SEPTIN3: variants seen among roughly 807,000 people sequenced by gnomAD.
SEPTIN3 encodes the protein neuronal-specific septin-3.
In SEPTIN3, 15 loss-of-function variants were observed where a neutral mutation model predicts 45.1. The ratio of observed to expected loss-of-function variants is 0.33; its 90% confidence interval spans 0.22 to 0.51. The LOEUF (loss-of-function observed/expected upper bound fraction) is 0.51, where lower values mean the gene tolerates loss of function less well. SEPTIN3 is among the 20% of genes least tolerant of loss of function. The pLI, the probability that SEPTIN3 is intolerant of heterozygous loss-of-function variation, is 0.97. For synonymous variants in SEPTIN3, 148 were observed against 164.8 expected, an observed-to-expected ratio of 0.90 and a Z score of 0.78; for missense variants, 289 against 457.2, an observed-to-expected ratio of 0.63 and a Z score of 3.35.
rs2078126552 is a variant in SEPTIN3 at position 41,981,824 on chromosome 22, A to G, written c.1684A>G (p.Ile562Val). ...CATGAAGACCGGTTTCGACTTCAAC[A>G]TCATGGTCGTTGGTACGGAAGGCTG... ...KTMKTGFDFNIMVVGQSGLGK... is the reference protein window; with the variant it reads ...KTMKTGFDFNVMVVGQSGLGK... The change falls in exon 3 of 12, where the codon ATC becomes GTC. Residue 562 changes from isoleucine (I) to valine (V), a missense_variant. Physicochemically the swap from Ile to Val is conservative, Grantham distance 29 (BLOSUM62 3). This residue lies in a region of SEPTIN3 where 200 missense variants were observed against 315.1 expected (regional missense o/e 0.63). Transcript: ENST00000644076. The G allele has an allele frequency of 6.2e-7, 1 of 1,613,620 alleles. No homozygotes were observed. Among genetic ancestry groups the G allele is most frequent in the South Asian group, 1.1e-5 (1 of 90,920 alleles).
intron 3 of SEPTIN3, chr22:41,985,696 C>G: frequency 4.9e-6 from 1 of 203,586 alleles, no homozygotes; most frequent in Non-Finnish European, 9.9e-6. Flanking sequence ...AAACAGAAAA[C>G]CACGACACTA....
intron 3 of SEPTIN3, among the ~76,000 whole-genome samples, chr22:41,984,425 G>T (rs1401884780): frequency 6.6e-6 from 1 of 152,236 alleles, no homozygotes; most frequent in Non-Finnish European, 1.5e-5. Flanking sequence ...TGGGGCCTGA[G>T]ATTCTGCATT....
intron 11 of SEPTIN3, chr22:41,996,522 G>C (rs965798315): frequency 8.9e-6 from 9 of 1,012,598 alleles, no homozygotes; most frequent in African/African-American, 1.7e-5. Flanking sequence ...AGAAAGGGGG[G>C]CGGTGATCAG....
intron 7 of SEPTIN3, 105 bp downstream of exon 7, chr22:41,989,789 T>G: frequency 2.8e-6 from 2 of 724,458 alleles, no homozygotes; most frequent in Non-Finnish European, 4.8e-6. Flanking sequence ...ACCCCCACCC[T>G]CAACCCTCCC....
In SEPTIN3 at chr22:41,989,611, T is replaced by C. The variant is rs2078270150; in HGVS notation, c.2090T>C (p.Val697Ala). Residue 697 changes from valine to alanine, a missense_variant, in exon 7 of 12, where the codon GTT (valine) becomes GCT (alanine). This residue lies in a region of SEPTIN3 where 200 missense variants were observed against 315.1 expected (regional missense o/e 0.63). Coordinates refer to ENST00000644076, the MANE Select transcript of SEPTIN3 (RefSeq NM_001363845.2). Reference protein sequence around the residue: ...DLEFMKHLSKVVNIIPVIAKA... With the variant: ...DLEFMKHLSKAVNIIPVIAKA... ...GAGTTCATGAAACACCTCAGCAAGG[T>C]TGTGAACATCATCCCTGTCATTGCT... 6.2e-7 allele frequency: 1 copy of C among 1,613,948 alleles called. No individual in the cohort carries two copies. The highest frequency in any genetic ancestry group is 1.3e-5 in the African/African-American group (1 of 74,898).
intron 3 of SEPTIN3, among the ~76,000 whole-genome samples, chr22:41,983,627 C>A (rs535010646): frequency 1.3e-5 from 2 of 152,356 alleles, no homozygotes. Context: ...ATGCCATGCT[C>A]TCTCCTACCC....
intron 4 of SEPTIN3, 126 bp downstream of exon 4, chr22:41,986,238 G>A: frequency 8.6e-7 from 1 of 1,160,736 alleles, no homozygotes; most frequent in Non-Finnish European, 1.2e-6. Flanking sequence ...ACAGACGTGA[G>A]CACTTCACTC....
rs2078394657 is a variant in SEPTIN3 at position 41,994,717 on chromosome 22, G to A, written c.2505+3G>A. The stretch of plus-strand genomic sequence containing the variant: ...ATGACAATGGAGGCCTCCCTCCGGT[G>A]AGCGTGGACACAGAGGAAAGCCACG... On this transcript the variant is annotated splice_donor_region_variant and intron_variant, in intron 11 of 11. Transcript: ENST00000644076. The surrounding 1 kb of genome is among the most constrained non-coding windows in gnomAD (Gnocchi z 4.2). 4 of 1,614,048 alleles carry A rather than the reference G, an allele frequency of 2.5e-6. No homozygotes were observed. Among genetic ancestry groups the A allele is most frequent in the Non-Finnish European group, 8.5e-7 (1 of 1,180,044 alleles).
intron 6 of SEPTIN3, 115 bp from the exon 7 acceptor site, chr22:41,989,452 C>T: frequency 1.4e-6 from 1 of 736,246 alleles, no homozygotes. Context: ...GCCTCTTGGC[C>T]TCAGCCAGAT....
intron 4 of SEPTIN3, among the ~76,000 whole-genome samples, chr22:41,986,380 A>G (rs1227159032): frequency 2.6e-5 from 4 of 152,174 alleles, no homozygotes; most frequent in African/African-American, 9.7e-5. Context: ...GTGGGCAGGT[A>G]CGGTGGCTCA....
Position 41,979,170 on chromosome 22 carries a change from G to A in SEPTIN3, c.1505-2475G>A, listed in dbSNP as rs150001530. On this transcript the variant is annotated intron_variant, in intron 2 of 11. Transcript: ENST00000644076. The stretch of plus-strand genomic sequence containing the variant: ...ATCTACCAGGTCCTGGTCCTGTAGT[G>A]GGCCTGTGGTAGCCCCTAGATGCTG... Among the ~76,000 whole-genome samples, 315 of 152,238 alleles carry A rather than the reference G, an allele frequency of 2.1e-3. 2 individuals are homozygous for A. Among genetic ancestry groups the A allele is most frequent in the African/African-American group, 7.4e-3 (309 of 41,536 alleles).
intron 1 of SEPTIN3, among the ~76,000 whole-genome samples, chr22:41,970,009 G>A (rs1399941954): frequency 6.6e-6 from 1 of 152,140 alleles, no homozygotes; most frequent in Non-Finnish European, 1.5e-5. Context: ...ATATATGGCT[G>A]GAGAGGGATG....
At chr22:41,990,725 G>A (rs544288453) in intron 7 of SEPTIN3, among the ~76,000 whole-genome samples, 351 of 108,144 alleles carry the variant, frequency 3.2e-3, no homozygotes, top group African/African-American at 0.012. Context: ...CAGCCTGGGC[G>A]ACAAAGTGAC....
chr22:41,978,909 G>A (rs1602412109), intron 2 of SEPTIN3, among the ~76,000 whole-genome samples: 1 of 150,338 alleles, frequency 6.7e-6, no homozygotes, highest in Admixed American at 6.6e-5. Flanking sequence ...AGGAGGAGGA[G>A]GAGGAGGAGG....
chr22:41,995,682 C>G, intron 11 of SEPTIN3: 7 of 985,340 alleles, frequency 7.1e-6, no homozygotes, highest in Non-Finnish European at 8.4e-6. Flanking sequence ...AACTACAGGA[C>G]AGTACAAACA....
rs1459056468 is a variant in SEPTIN3, at chr22:41,997,251, C to A, written c.*284C>A. On this transcript the variant is annotated 3_prime_UTR_variant, in exon 12 of 12. Transcript: ENST00000644076. Reference sequence around the variant, plus strand: ...AGGGTGAAAGAACTCATCAAGAGCTCCTTCTGCCCTTGTAAGCCCATCCCA... The same window carrying A: ...AGGGTGAAAGAACTCATCAAGAGCTACTTCTGCCCTTGTAAGCCCATCCCA... 4 of 454,944 alleles carry A rather than the reference C, an allele frequency of 8.8e-6. No homozygotes were observed. Among genetic ancestry groups the A allele is most frequent in the Non-Finnish European group, 1.6e-5 (4 of 257,496 alleles). 28.2% of individuals were successfully genotyped at this position (454,944 alleles called of 1,614,324 possible).
At chr22:41,991,862 C>T (rs532625654) in intron 8 of SEPTIN3, among the ~76,000 whole-genome samples, 194 bp downstream of exon 8, 4 of 152,276 alleles carry the variant, frequency 2.6e-5, no homozygotes, top group African/African-American at 9.6e-5. Context: ...CTCCCTGTAC[C>T]CAGAAAGCCT....
In SEPTIN3 at chr22:41,976,955, C is replaced by T. The variant is rs2078035319; in HGVS notation, c.1504+3959C>T. On this transcript the variant is annotated intron_variant, in intron 2 of 11. Transcript: ENST00000644076. This position sits in a 1 kb window ranked among gnomAD's most constrained non-coding sequence, Gnocchi z 5.8. ...CGGGTGGGAGGAGAGCGCGAAGGGG[C>T]GAGGCCCGTTTGCAGGGGCCGCTCG... 1.7e-5 allele frequency: 18 copies of T among 1,082,188 alleles called. No homozygotes were observed. The Admixed American group carries it at 3.2e-4, about 19-fold the overall frequency. 67.0% of individuals were successfully genotyped at this position (1,082,188 alleles called of 1,614,324 possible). A position where few individuals can be genotyped will look rare whatever the true frequency, so the allele number is the denominator to read the frequency against.
In SEPTIN3 at chr22:41,994,469, C is replaced by T; in HGVS notation, c.2411+128C>T. On this transcript the variant is annotated intron_variant, in intron 10 of 11. Coordinates refer to ENST00000644076, the MANE Select transcript of SEPTIN3 (RefSeq NM_001363845.2). This position sits in a 1 kb window ranked among gnomAD's most constrained non-coding sequence, Gnocchi z 4.2. The stretch of plus-strand genomic sequence containing the variant: ...AGAGCTTTCTGCCCCAGTTCCAGCT[C>T]CTGTTGCAAAATGGAAGGTGCTGTA... 6.6e-7 allele frequency: 1 copy of T among 1,507,798 alleles called. No individual in the cohort carries two copies. Among genetic ancestry groups the T allele is most frequent in the South Asian group, 1.2e-5 (1 of 84,816 alleles). The allele number at this position is 1,507,798 out of a possible 1,614,324, so 93.4% of individuals were successfully genotyped here.
Sources: allele counts gnomAD v4.1 joint callset (sites outside exome capture counted in the v4.1 genomes callset), GRCh38; gene constraint gnomAD v4.1.1; regional missense constraint gnomAD v4.1.1; non-coding constraint Gnocchi (gnomAD v3.1); transcripts MANE v1.5; gene names NCBI Gene and HGNC (gene_info 2026-07-23, HGNC 2026-07-21).